The following RANBP17 variants were observed in gnomAD, a reference collection of about 807,000 sequenced individuals.
RANBP17 encodes the protein RAN binding protein 17, also known as ran-binding protein 17.
A neutral mutation model predicts 141.2 loss-of-function variants in RANBP17; 158 were observed. The observed-to-expected ratio is 1.12, with a 90% CI of 0.98 to 1.28. RANBP17 has a LOEUF of 1.28. Among genes scored for constraint, RANBP17 ranks in the 50% most tolerant of loss-of-function variants. The probability of loss-of-function intolerance (pLI) is 0.00; values close to 1 mark genes in which losing one functional copy is unlikely to be tolerated. For missense variants in RANBP17, 1,438 were observed against 1,290.7 expected (o/e 1.11, Z -1.75); for synonymous variants, 430 against 450.0 (o/e 0.96, Z 0.56).
chr5:171,202,195 A>T (rs145115290), intron 19 of RANBP17, among the ~76,000 whole-genome samples: 7 of 152,332 alleles, frequency 4.6e-5, no homozygotes, highest in African/African-American at 1.7e-4. Flanking sequence ...ATTGAAGAAA[A>T]CATTGAAATT....
At chr5:170,918,933 T>C (rs1772206894) in intron 10 of RANBP17, 74 bp downstream of exon 10, 1 of 902,930 alleles carries the variant, frequency 1.1e-6, no homozygotes. Context: ...TTGGTGGGGG[T>C]ATTTGAAAAA....
At chr5:171,077,641 A>G (rs1042571294) in intron 14 of RANBP17, among the ~76,000 whole-genome samples, 1 of 152,224 alleles carries the variant, frequency 6.6e-6, no homozygotes, top group Non-Finnish European at 1.5e-5. Flanking sequence ...GATGGGCAGA[A>G]AGGAAAGGGT....
At chr5:171,153,642 A>G (rs1758644307) in intron 14 of RANBP17, among the ~76,000 whole-genome samples, 3 of 152,214 alleles carry the variant, frequency 2.0e-5, no homozygotes, top group Non-Finnish European at 4.4e-5. Flanking sequence ...TTTTAGTGTC[A>G]TTCACTTCTG....
At chr5:170,880,416 C>T (rs1460625191) in intron 2 of RANBP17, among the ~76,000 whole-genome samples, 2 of 152,154 alleles carry the variant, frequency 1.3e-5, no homozygotes, top group African/African-American at 4.8e-5. Flanking sequence ...TTTCTCTGCA[C>T]ATATAACTTT....
intron 14 of RANBP17, among the ~76,000 whole-genome samples, chr5:171,121,526 G>C (rs1756032968): frequency 6.6e-6 from 1 of 152,190 alleles, no homozygotes; most frequent in African/African-American, 2.4e-5. Context: ...CTGTTCTGCT[G>C]GCCCAGTAGC....
At chr5:171,091,317 G>C (rs572370194) in intron 14 of RANBP17, among the ~76,000 whole-genome samples, 27 of 152,156 alleles carry the variant, frequency 1.8e-4, no homozygotes, top group Admixed American at 5.2e-4. Flanking sequence ...TGCATGGGGC[G>C]TTTAGCCCGT....
intron 20 of RANBP17, chr5:171,206,759 T>A (rs575669647): frequency 2.8e-4 from 51 of 179,030 alleles, no homozygotes; most frequent in Admixed American, 1.5e-3. Context: ...TAAAAATTTT[T>A]AAACATTAAT....
intron 25 of RANBP17, among the ~76,000 whole-genome samples, chr5:171,272,665 T>C (rs924947868): frequency 2.0e-5 from 3 of 152,162 alleles, no homozygotes; most frequent in African/African-American, 7.2e-5. Context: ...TAATCTAAAG[T>C]ATGTATGTTT....
chr5:170,923,001 G>C (rs1406309044), intron 11 of RANBP17, among the ~76,000 whole-genome samples: 2 of 101,442 alleles, frequency 2.0e-5, no homozygotes, highest in Non-Finnish European at 4.8e-5. Context: ...AAGAGCAGAA[G>C]TTTTAAATTT....
chr5:171,067,790 A>G (rs1784397500), intron 14 of RANBP17, among the ~76,000 whole-genome samples: 2 of 152,112 alleles, frequency 1.3e-5, no homozygotes, highest in Non-Finnish European at 2.9e-5. Flanking sequence ...TGATAACTCA[A>G]TTCTTACTCA....
chr5:171,252,419 C>T, intron 24 of RANBP17: 4 of 1,519,284 alleles, frequency 2.6e-6, no homozygotes, highest in Non-Finnish European at 3.6e-6. Context: ...TTAGACCTGT[C>T]TGTTGACGTG....
intron 14 of RANBP17, among the ~76,000 whole-genome samples, chr5:171,055,061 G>A (rs918513321): frequency 6.6e-6 from 1 of 152,130 alleles, no homozygotes; most frequent in Admixed American, 6.6e-5. Flanking sequence ...TCTACACAAA[G>A]AGTACAATAT....
chr5:171,109,383 A>G (rs1755061244), intron 14 of RANBP17, among the ~76,000 whole-genome samples: 1 of 152,218 alleles, frequency 6.6e-6, no homozygotes, highest in Non-Finnish European at 1.5e-5. Context: ...AAAATCAAAT[A>G]TGCCTTAGAA....
In RANBP17 at chr5:170,938,039, G is replaced by C. The variant is rs566842950; in HGVS notation, c.1468+13489G>C. The stretch of plus-strand genomic sequence containing the variant: ...CCACTCCTCTGCTCTCTGATTCTGT[G>C]TCTCTCCTTTCTCTGACCTCCTCCC... On this transcript the variant is annotated intron_variant, in intron 12 of 27. Coordinates refer to ENST00000523189, the MANE Select transcript of RANBP17 (RefSeq NM_022897.5). 2.0e-5 allele frequency among the ~76,000 whole-genome samples: 3 copies of C among 152,124 alleles called. No homozygotes were observed. In the South Asian group the frequency reaches 6.2e-4, roughly 32 times the overall value.
At chr5:170,874,910 T>G (rs952283528) in intron 1 of RANBP17, among the ~76,000 whole-genome samples, 1 of 152,310 alleles carries the variant, frequency 6.6e-6, no homozygotes, top group African/African-American at 2.4e-5. Flanking sequence ...TTGATGCAGC[T>G]TCTTCATGGT....
intron 1 of RANBP17, among the ~76,000 whole-genome samples, chr5:170,867,300 G>T (rs918773300): frequency 6.6e-6 from 1 of 152,076 alleles, no homozygotes; most frequent in Non-Finnish European, 1.5e-5. Context: ...AGGAATTTAT[G>T]TATATTTGAT....
chr5:171,193,323 G>A lies in RANBP17; in HGVS notation c.2039-6347G>A, dbSNP rs558912453. ...GATTAGAAAGGGGGAAAGAAATTGG[G>A]TGTCACATTAATTGGTATTTACTTT... On this transcript the variant is annotated intron_variant, in intron 18 of 27. Transcript: ENST00000523189. Among the ~76,000 whole-genome samples the A allele has an allele frequency of 2.6e-5, 4 of 152,028 alleles. No individual in the cohort carries two copies. The South Asian group carries it at 6.2e-4, about 24-fold the overall frequency.
intron 12 of RANBP17, among the ~76,000 whole-genome samples, chr5:170,927,737 A>G (rs1381317238): frequency 6.6e-6 from 1 of 152,072 alleles, no homozygotes; most frequent in Non-Finnish European, 1.5e-5. Flanking sequence ...ATAGTATTCC[A>G]TAGTATTGCC....
rs374954933 is a variant in RANBP17 at position 171,090,401 on chromosome 5, G to A, written c.1711-79729G>A. Among the ~76,000 whole-genome samples, 67 of 152,336 alleles carry A rather than the reference G, an allele frequency of 4.4e-4. 2 individuals carry two copies. In the South Asian group the frequency reaches 0.013, roughly 31 times the overall value. ...GCAGAATAAATTTCTAAACAGCAAA[G>A]CATTCAAGAGGTGACTTGGGTGCTG... On this transcript the variant is annotated intron_variant, in intron 14 of 27. Coordinates refer to ENST00000523189, the MANE Select transcript of RANBP17 (RefSeq NM_022897.5).
Sources: allele counts gnomAD v4.1 joint callset (sites outside exome capture counted in the v4.1 genomes callset), GRCh38; gene constraint gnomAD v4.1.1; transcripts MANE v1.5; gene names NCBI Gene and HGNC (gene_info 2026-07-23, HGNC 2026-07-21).